CTNNA2: variants seen among roughly 807,000 people sequenced by gnomAD.
The protein encoded by CTNNA2 is catenin alpha-2.
Under a neutral mutation model 101.0 loss-of-function variants are expected in CTNNA2, and 42 were observed. The ratio of observed to expected loss-of-function variants is 0.42; its 90% confidence interval spans 0.32 to 0.54. The LOEUF (loss-of-function observed/expected upper bound fraction) is 0.54. CTNNA2 is among the 20% of genes least tolerant of loss of function. The probability of loss-of-function intolerance (pLI) is 0.14; values close to 1 mark genes in which losing one functional copy is unlikely to be tolerated. For missense variants in CTNNA2, 871 were observed against 1,223.1 expected (o/e 0.71, Z 4.29); for synonymous variants, 450 against 456.4 (o/e 0.99, Z 0.18).
At chr2:79,715,291 G>A (rs188361185) in intron 2 of CTNNA2, among the ~76,000 whole-genome samples, 16 of 150,332 alleles carry the variant, frequency 1.1e-4, no homozygotes, top group East Asian at 5.9e-4. Flanking sequence ...ATGAAGGAAC[G>A]CCTTGCTAAC....
chr2:79,266,267 G>T (rs2104292994), intron 2 of CTNNA2, among the ~76,000 whole-genome samples: 1 of 152,134 alleles, frequency 6.6e-6, no homozygotes, highest in East Asian at 1.9e-4. Context: ...CATTCCTTAG[G>T]ATCAGCTCCC....
intron 4 of CTNNA2, among the ~76,000 whole-genome samples, chr2:79,407,517 A>G (rs940769117): frequency 5.9e-5 from 9 of 151,934 alleles, no homozygotes; most frequent in African/African-American, 2.2e-4. Context: ...ACACACCTAC[A>G]ACATACACAC....
intron 7 of CTNNA2, among the ~76,000 whole-genome samples, chr2:80,086,854 A>G (rs1486217194): frequency 1.3e-5 from 2 of 152,050 alleles, no homozygotes; most frequent in African/African-American, 4.8e-5. Flanking sequence ...AATGGCCTCA[A>G]GAAACTGATT....
At chr2:79,832,501 T>A (rs957638263) in intron 3 of CTNNA2, among the ~76,000 whole-genome samples, 2 of 152,240 alleles carry the variant, frequency 1.3e-5, no homozygotes, top group South Asian at 2.1e-4. Context: ...TACATTGATA[T>A]GGCCTGTTTT....
At chr2:79,251,454 C>G (rs954407935) in intron 2 of CTNNA2, among the ~76,000 whole-genome samples, 1 of 152,188 alleles carries the variant, frequency 6.6e-6, no homozygotes, top group Non-Finnish European at 1.5e-5. Context: ...ATGTGTGAAC[C>G]TTTCCCTTTA....
chr2:79,305,319 TATATATAC>T lies in CTNNA2; in HGVS notation c.-405-7370_-405-7363del, dbSNP rs544931710. 4.5e-3 allele frequency among the ~76,000 whole-genome samples: 666 copies of T among 147,972 alleles called. 4 individuals carry two copies. Among genetic ancestry groups the T allele is most frequent in the South Asian group, 0.016 (74 of 4,746 alleles). On this transcript the variant is annotated intron_variant, in intron 2 of 21. Coordinates refer to the CTNNA2 transcript ENST00000466387. The stretch of plus-strand genomic sequence containing the variant: ...GTATATATATACATATATATACACA[TATATATAC>T]ATATATACATATATACATACATATA...
chr2:80,524,974 G>A (rs1446776774), intron 9 of CTNNA2, among the ~76,000 whole-genome samples: 1 of 151,986 alleles, frequency 6.6e-6, no homozygotes, highest in Non-Finnish European at 1.5e-5. Flanking sequence ...GGGAACAGGT[G>A]GTATTTGGTT....
chr2:79,310,841 G>T (rs1220802932), intron 2 of CTNNA2, among the ~76,000 whole-genome samples: 1 of 152,102 alleles, frequency 6.6e-6, no homozygotes, highest in Non-Finnish European at 1.5e-5. Context: ...GTCTTTTTCT[G>T]AGTAACTGAA....
chr2:80,351,482 A>G (rs1397990496), intron 7 of CTNNA2, among the ~76,000 whole-genome samples: 2 of 152,130 alleles, frequency 1.3e-5, no homozygotes, highest in Non-Finnish European at 2.9e-5. Context: ...GCTTGTCAGG[A>G]GAAATGACTA....
At chr2:80,252,794 G>T (rs574889791) in intron 7 of CTNNA2, among the ~76,000 whole-genome samples, 2 of 152,282 alleles carry the variant, frequency 1.3e-5, no homozygotes, top group East Asian at 3.9e-4. Context: ...GTTACAAGAG[G>T]ACTTGTAGGC....
chr2:79,786,304 A>C (rs1674843502), intron 3 of CTNNA2, among the ~76,000 whole-genome samples: 1 of 152,058 alleles, frequency 6.6e-6, no homozygotes, highest in African/African-American at 2.4e-5. Context: ...ATATAAGTTT[A>C]ATTTTTGACT....
rs181728200 is a variant in CTNNA2 at position 79,994,337 on chromosome 2, A to T, written c.1056+84540A>T. 2.0e-5 allele frequency among the ~76,000 whole-genome samples: 3 copies of T among 152,332 alleles called. No individual in the cohort carries two copies. The East Asian group carries it at 5.8e-4, about 29-fold the overall frequency. ...TTAGTACTAAATGTGGTAAACCACGAGTTGCGACATAGTCAAATAAAACTT... is the reference window on the plus strand; with the variant it reads ...TTAGTACTAAATGTGGTAAACCACGTGTTGCGACATAGTCAAATAAAACTT... On this transcript the variant is annotated intron_variant, in intron 7 of 18. Coordinates refer to ENST00000402739, the MANE Select transcript of CTNNA2 (RefSeq NM_001282597.3).
At chr2:79,559,380 T>A (rs979724581) in intron 1 of CTNNA2, among the ~76,000 whole-genome samples, 9 of 151,800 alleles carry the variant, frequency 5.9e-5, no homozygotes, top group African/African-American at 2.2e-4. Flanking sequence ...TTCCAAGGAT[T>A]TGGATTTTGA....
At chr2:79,646,264 C>T (rs975270239) in intron 1 of CTNNA2, among the ~76,000 whole-genome samples, 5 of 152,190 alleles carry the variant, frequency 3.3e-5, no homozygotes, top group Non-Finnish European at 7.3e-5. Flanking sequence ...GAACTCGAGT[C>T]AGTTTCTCCT....
At chr2:80,106,560 CT>C (rs1700902204) in intron 7 of CTNNA2, among the ~76,000 whole-genome samples, 1 of 152,174 alleles carries the variant, frequency 6.6e-6, no homozygotes, top group Non-Finnish European at 1.5e-5. Context: ...ACAGAACACA[CT>C]CCACAAGTAG....
At chr2:79,971,040 C>G in intron 7 of CTNNA2, among the ~76,000 whole-genome samples, 1 of 152,042 alleles carries the variant, frequency 6.6e-6, no homozygotes, top group East Asian at 1.9e-4. Flanking sequence ...AAACACTGGC[C>G]CAAGAATTCA....
At chr2:79,459,836 A>AT (rs533684610) in intron 4 of CTNNA2, among the ~76,000 whole-genome samples, 156 of 151,948 alleles carry the variant, frequency 1.0e-3, no homozygotes, top group African/African-American at 3.5e-3. Context: ...TTTGCAAATA[A>AT]TTTTTTTTCT....
chr2:79,203,498 G>C (rs1265612024), intron 2 of CTNNA2, among the ~76,000 whole-genome samples: 1 of 152,128 alleles, frequency 6.6e-6, no homozygotes, highest in Non-Finnish European at 1.5e-5. Context: ...AATGCTGCTG[G>C]ATAAGACACA....
At chr2:79,818,002 A>C (rs1677669581) in intron 3 of CTNNA2, among the ~76,000 whole-genome samples, 1 of 152,180 alleles carries the variant, frequency 6.6e-6, no homozygotes, top group African/African-American at 2.4e-5. Flanking sequence ...ATTGGGCTTC[A>C]ATTTTTAATT....
Sources: allele counts gnomAD v4.1 joint callset (sites outside exome capture counted in the v4.1 genomes callset), GRCh38; gene constraint gnomAD v4.1.1; transcripts MANE v1.5; gene names NCBI Gene and HGNC (gene_info 2026-07-23, HGNC 2026-07-21).